Variants in RASGRF1 observed in about 807,000 individuals in gnomAD.
RASGRF1 encodes ras-specific guanine nucleotide-releasing factor 1.
In RASGRF1, 40 loss-of-function variants were observed where a neutral mutation model predicts 138.7. The ratio of observed to expected loss-of-function variants is 0.29; its 90% CI spans 0.22 to 0.38. The LOEUF is 0.38. Ranked by LOEUF, RASGRF1 falls within the 10% of genes least tolerant of loss-of-function variation. RASGRF1 has a pLI of 1.00. For synonymous variants in RASGRF1, 614 were observed against 663.2 expected (o/e 0.93, Z 1.14); for missense variants, 1,108 against 1,650.4 (o/e 0.67, Z 5.69).
At chr15:78,980,563 T>G in intron 24 of RASGRF1, 57 bp downstream of exon 24, 1 of 1,428,234 alleles carries the variant, frequency 7.0e-7, no homozygotes, top group South Asian at 1.2e-5. Context: ...CGTGAATGCC[T>G]CTGCAATGCA....
chr15:79,016,140 G>T (rs1242159874), intron 12 of RASGRF1, among the ~76,000 whole-genome samples: 1 of 152,186 alleles, frequency 6.6e-6, no homozygotes, highest in Admixed American at 6.5e-5. Flanking sequence ...TCACATTTCT[G>T]CCATGAGAGG....
chr15:79,004,017 A>T lies in RASGRF1; in HGVS notation c.2234T>A (p.Ile745Asn), dbSNP rs2056610565. The change falls in exon 15 of 27, where the codon ATC (isoleucine) becomes AAC (asparagine). Residue 745 changes from isoleucine (I) to asparagine (N), a missense_variant. Around this residue, in one of 3 missense-constraint regions of RASGRF1, gnomAD observed 686 missense variants for 976.7 expected, o/e 0.70. Coordinates refer to ENST00000558480, the MANE Select transcript of RASGRF1 (RefSeq NM_001145648.3). ...GGCCTTGCCGCCAGTGATGATGGGG[A>T]TGTTCAGGGAGAGCTTCCGCCGGCG... ...PSRRRKLSLN[I>N]PIITGGKALD... The T allele has an allele frequency of 1.2e-6, 2 of 1,613,880 alleles. No individual in the cohort carries two copies.
chr15:79,032,403 A>T lies in RASGRF1; in HGVS notation c.959-87T>A. The T allele has an allele frequency of 7.4e-7, 1 of 1,352,644 alleles. No individual in the cohort carries two copies. The allele number at this position is 1,352,644 out of a possible 1,614,324, so 83.8% of individuals were successfully genotyped here. A position where few individuals can be genotyped will look rare whatever the true frequency, so the allele number is the denominator to read the frequency against. On this transcript the variant is annotated intron_variant, in intron 6 of 26. Transcript: ENST00000558480. The surrounding 1 kb of genome is among the most constrained non-coding windows in gnomAD (Gnocchi z 4.5). The stretch of plus-strand genomic sequence containing the variant: ...GCCCTTGGCTCCCCCAGCTACACCC[A>T]GAGAGGCCAGGGGCCAGGTTCAAGT...
intron 3 of RASGRF1, 131 bp downstream of exon 3, chr15:79,058,203 G>T: frequency 7.3e-7 from 1 of 1,374,180 alleles, no homozygotes; most frequent in Non-Finnish European, 9.8e-7. Context: ...CACGTCCTAA[G>T]TTTGGAGTCT....
At chr15:79,072,939 A>G (rs898590572) in intron 1 of RASGRF1, among the ~76,000 whole-genome samples, 12 of 152,198 alleles carry the variant, frequency 7.9e-5, no homozygotes, top group Admixed American at 7.2e-4. Context: ...ACCACAGGAT[A>G]GGACCCAAAT....
chr15:79,008,006 C>T (rs1304541815), intron 13 of RASGRF1, among the ~76,000 whole-genome samples: 1 of 151,862 alleles, frequency 6.6e-6, no homozygotes, highest in African/African-American at 2.4e-5. Context: ...CCACGCCCAG[C>T]TAATTTTTGT....
At chr15:78,993,849 C>G (rs965399094) in intron 20 of RASGRF1, among the ~76,000 whole-genome samples, 2 of 152,134 alleles carry the variant, frequency 1.3e-5, no homozygotes, top group African/African-American at 2.4e-5. Context: ...TCCTTCCGCT[C>G]ACTTCTGGGG....
rs79470900 is a variant in RASGRF1 at position 79,030,466 on chromosome 15, A to T, written c.1262+934T>A. Among the ~76,000 whole-genome samples the T allele has an allele frequency of 2.4e-4, 36 of 152,228 alleles. 1 individual carries two copies. In the East Asian group the frequency reaches 6.8e-3, roughly 29 times the overall value. On this transcript the variant is annotated intron_variant, in intron 8 of 26. Coordinates refer to ENST00000558480, the MANE Select transcript of RASGRF1 (RefSeq NM_001145648.3). ...CACCAGTGCTGTCGCTTTAAACACCATCTGCAAGCTGATGATTGCCGGATT... is the reference window on the plus strand; with the variant it reads ...CACCAGTGCTGTCGCTTTAAACACCTTCTGCAAGCTGATGATTGCCGGATT...
rs1443370712 is a variant in RASGRF1, at chr15:79,073,339, G to A, written c.277-8813C>T. On this transcript the variant is annotated intron_variant, in intron 1 of 26. Transcript: ENST00000558480. This position sits in a 1 kb window ranked among gnomAD's most constrained non-coding sequence, Gnocchi z 4.2. ...GGTTCCTGTGGGGAAGCTGGGCTGGGGCTCTTCCCTTAACTGGACTGGAGC... is the reference window on the plus strand; with the variant it reads ...GGTTCCTGTGGGGAAGCTGGGCTGGAGCTCTTCCCTTAACTGGACTGGAGC... Among the ~76,000 whole-genome samples the A allele has an allele frequency of 6.6e-6, 1 of 152,100 alleles. No individual in the cohort carries two copies. Among genetic ancestry groups the A allele is most frequent in the Non-Finnish European group, 1.5e-5 (1 of 68,030 alleles).
rs949171410 is a variant in RASGRF1, at chr15:79,032,665, G to A, written c.959-349C>T. On this transcript the variant is annotated intron_variant, in intron 6 of 26. Transcript: ENST00000558480. This position sits in a 1 kb window ranked among gnomAD's most constrained non-coding sequence, Gnocchi z 4.5. ...CCAGGAGTGCTGGTGGCCGATGGCT[G>A]TCAGCTGGGTCCCTCTCCAGGCATT... 3.3e-5 allele frequency among the ~76,000 whole-genome samples: 5 copies of A among 152,210 alleles called. No homozygotes were observed. Among genetic ancestry groups the A allele is most frequent in the African/African-American group, 1.2e-4 (5 of 41,450 alleles).
Position 78,961,902 on chromosome 15 carries a change from C to T in RASGRF1, c.*242G>A, listed in dbSNP as rs1020204709. On this transcript the variant is annotated 3_prime_UTR_variant, in exon 27 of 27. Transcript: ENST00000558480. The stretch of plus-strand genomic sequence containing the variant: ...GAGTGAGGAGTCTAGGGAAGAGGGA[C>T]CAAGAGTACAGCTGTTTAAAAGAAA... 1.1e-5 allele frequency: 5 copies of T among 458,008 alleles called. No homozygotes were observed. In the Middle Eastern group the frequency reaches 1.8e-3, roughly 168 times the overall value. 28.4% of individuals were successfully genotyped at this position (458,008 alleles called of 1,614,324 possible).
chr15:79,032,250 T>C lies in RASGRF1; in HGVS notation c.1025A>G (p.Tyr342Cys). The stretch of plus-strand genomic sequence containing the variant: ...GCAGTGGGCCAGGATCTGCAGGCTG[T>C]ACTGGTGGTTGCGGACGAACTCTTG... ...IYQEFVRNHQ[Y>C]SLQILAHCKQ... The change falls in exon 7 of 27, where the codon TAC (tyrosine) becomes TGC (cysteine). Residue 342 changes from tyrosine to cysteine, a missense_variant. Tyr to Cys is a radical substitution (Grantham distance 194). Coordinates refer to ENST00000558480, the MANE Select transcript of RASGRF1 (RefSeq NM_001145648.3). This position sits in a 1 kb window ranked among gnomAD's most constrained non-coding sequence, Gnocchi z 4.5. 1 of 1,614,058 alleles carries C rather than the reference T, an allele frequency of 6.2e-7. No individual in the cohort carries two copies. Among genetic ancestry groups the C allele is most frequent in the Non-Finnish European group, 8.5e-7 (1 of 1,179,946 alleles).
At chr15:79,078,203 C>T (rs1377083772) in intron 1 of RASGRF1, among the ~76,000 whole-genome samples, 2 of 125,264 alleles carry the variant, frequency 1.6e-5, no homozygotes, top group South Asian at 3.1e-4. Flanking sequence ...TCCATCTTCT[C>T]TCCTTCCTTC....
Position 79,003,969 on chromosome 15 carries a change from C to A in RASGRF1, c.2282G>T (p.Cys761Phe), listed in dbSNP as rs1221852614. The A allele has an allele frequency of 6.2e-7, 1 of 1,614,130 alleles. No homozygotes were observed. Among genetic ancestry groups the A allele is most frequent in the Non-Finnish European group, 8.5e-7 (1 of 1,180,020 alleles). ...GKALDLAALSCNSNGYTSMYS... is the reference protein window; with the variant it reads ...GKALDLAALSFNSNGYTSMYS... ...CATGCTGGTGTAGCCATTGGAGTTG[C>A]AGCTGAGGGCGGCCAGGTCCAGGGC... is the stretch of plus-strand genomic sequence containing the variant. The change falls in exon 15 of 27, where the codon TGC becomes TTC. Residue 761 changes from cysteine to phenylalanine, a missense_variant. By Grantham distance (205) the Cys-to-Phe change is radical. Transcript: ENST00000558480.
At chr15:79,053,252 C>T (rs140078295) in intron 3 of RASGRF1, among the ~76,000 whole-genome samples, 64 of 151,212 alleles carry the variant, frequency 4.2e-4, no homozygotes, top group East Asian at 1.4e-3. Context: ...GCGACAAGAT[C>T]GAAAAAAAAA....
At chr15:78,980,553 C>A in intron 24 of RASGRF1, 67 bp downstream of exon 24, 3 of 1,326,846 alleles carry the variant, frequency 2.3e-6, no homozygotes, top group East Asian at 4.7e-5. Flanking sequence ...GGGGGCGGCA[C>A]GTGAATGCCT....
At chr15:79,052,768 G>T (rs77277610) in intron 3 of RASGRF1, among the ~76,000 whole-genome samples, 1 of 152,166 alleles carries the variant, frequency 6.6e-6, no homozygotes, top group Admixed American at 6.5e-5. Context: ...CAAAGGCATG[G>T]GTGTGATAGA....
chr15:78,993,077 T>A (rs903520551), intron 20 of RASGRF1, among the ~76,000 whole-genome samples: 11 of 98,244 alleles, frequency 1.1e-4, no homozygotes, highest in Non-Finnish European at 1.4e-4. Context: ...GTGTGTGTGG[T>A]GTGTGGGTGG....
At position 79,052,039 on chromosome 15, in the gene RASGRF1, G is replaced by A. The variant is rs187128630; in HGVS notation, c.532-2451C>T. 1.7e-3 allele frequency among the ~76,000 whole-genome samples: 266 copies of A among 152,226 alleles called. 3 individuals carry two copies. Among genetic ancestry groups the A allele is most frequent in the Non-Finnish European group, 2.5e-3 (168 of 68,022 alleles). On this transcript the variant is annotated intron_variant, in intron 3 of 26. Coordinates refer to ENST00000558480, the MANE Select transcript of RASGRF1 (RefSeq NM_001145648.3). Reference sequence around the variant, plus strand: ...TCCTGCCCCTACTTAGTTGACCCTCGTGAATTACAGCCATGGGGAACTGGA... The same window carrying A: ...TCCTGCCCCTACTTAGTTGACCCTCATGAATTACAGCCATGGGGAACTGGA...
Sources: allele counts gnomAD v4.1 joint callset (sites outside exome capture counted in the v4.1 genomes callset), GRCh38; gene constraint gnomAD v4.1.1; regional missense constraint gnomAD v4.1.1; non-coding constraint Gnocchi (gnomAD v3.1); transcripts MANE v1.5; gene names NCBI Gene and HGNC (gene_info 2026-07-23, HGNC 2026-07-21).